RALGAPA1: variants seen among roughly 807,000 people sequenced by gnomAD.
RALGAPA1 encodes Ral GTPase activating protein catalytic subunit alpha 1.
In RALGAPA1, 52 loss-of-function variants were observed where a neutral mutation model predicts 269.6. The ratio of observed to expected loss-of-function variants is 0.19; its 90% CI spans 0.15 to 0.24. The LOEUF (loss-of-function observed/expected upper bound fraction) is 0.24. RALGAPA1 is among the 10% of genes least tolerant of loss of function. RALGAPA1 has a pLI of 1.00. For missense variants in RALGAPA1, 1,917 were observed against 3,013.9 expected (o/e 0.64, Z 8.52); for synonymous variants, 817 against 1,008.3 (o/e 0.81, Z 3.60).
rs1333111471 is a variant in RALGAPA1 at position 35,689,177 on chromosome 14, T to C, written c.3234A>G (p.Thr1078=). 1 of 1,233,236 alleles carries C rather than the reference T, an allele frequency of 8.1e-7. No homozygotes were observed. The allele number at this position is 1,233,236 out of a possible 1,614,324, so 76.4% of individuals were successfully genotyped here. A position where few individuals can be genotyped will look rare whatever the true frequency, so the allele number is the denominator to read the frequency against. ...GCACACTCTTAAGCTTTTCAACTAGTGTTACATCAACACAAGCATCTAATT... is the reference window on the plus strand; with the variant it reads ...GCACACTCTTAAGCTTTTCAACTAGCGTTACATCAACACAAGCATCTAATT... The part of the protein sequence containing the change: ...ATELDACVDV[T]LVEKLKSVQI... Residue 1078 remains threonine (T), a synonymous_variant, in exon 18 of 42, where the codon ACA becomes ACG. Coordinates refer to ENST00000680220, the MANE Select transcript of RALGAPA1 (RefSeq NM_001346249.2).
chr14:35,628,740 T>G (rs961456028), intron 33 of RALGAPA1, among the ~76,000 whole-genome samples: 1 of 152,204 alleles, frequency 6.6e-6, no homozygotes, highest in Admixed American at 6.5e-5. Flanking sequence ...AGCAAAAATA[T>G]TTGCTGGATC....
chr14:35,625,480 A>T, intron 34 of RALGAPA1, 48 bp from the exon 35 acceptor site: 1 of 1,362,646 alleles, frequency 7.3e-7, no homozygotes, highest in Non-Finnish European at 1.0e-6. Flanking sequence ...GCAGTGAATG[A>T]CAAGACAGTC....
chr14:35,668,181 C>A (rs2064106934), intron 26 of RALGAPA1, among the ~76,000 whole-genome samples: 1 of 152,020 alleles, frequency 6.6e-6, no homozygotes, highest in African/African-American at 2.4e-5. Flanking sequence ...AAAAATAATA[C>A]AAATGTATTT....
intron 4 of RALGAPA1, chr14:35,766,528 C>A (rs1327302104): frequency 1.8e-6 from 2 of 1,091,694 alleles, no homozygotes; most frequent in African/African-American, 1.6e-5. Context: ...CTATTGTGCA[C>A]ATCAGAAGCA....
chr14:35,770,456 T>C (rs1423220679), intron 4 of RALGAPA1, among the ~76,000 whole-genome samples: 2 of 151,720 alleles, frequency 1.3e-5, no homozygotes, highest in Admixed American at 6.6e-5. Context: ...CAAAGGCATC[T>C]GATTAAAAAA....
At chr14:35,619,842 T>G (rs1020728194) in intron 35 of RALGAPA1, among the ~76,000 whole-genome samples, 2 of 152,132 alleles carry the variant, frequency 1.3e-5, no homozygotes, top group African/African-American at 2.4e-5. Context: ...GCTCTGAAAT[T>G]AAGGCAATAA....
At chr14:35,592,949 A>G (rs1375373758) in intron 37 of RALGAPA1, among the ~76,000 whole-genome samples, 1 of 152,218 alleles carries the variant, frequency 6.6e-6, no homozygotes, top group Non-Finnish European at 1.5e-5. Flanking sequence ...ATACAGGGAA[A>G]GGATGCCCAC....
chr14:35,746,094 T>C (rs763748108), intron 10 of RALGAPA1, among the ~76,000 whole-genome samples: 32 of 151,958 alleles, frequency 2.1e-4, no homozygotes, highest in Non-Finnish European at 4.1e-4. Flanking sequence ...AAGAGGGAAA[T>C]CCCACATTTG....
intron 16 of RALGAPA1, among the ~76,000 whole-genome samples, chr14:35,701,809 AT>A (rs1260851720): frequency 1.3e-5 from 2 of 150,976 alleles, no homozygotes; most frequent in African/African-American, 4.9e-5. Context: ...TGCTTGGCTA[AT>A]TTTTTTTTCT....
At chr14:35,748,378 CTTT>C (rs35805261) in intron 10 of RALGAPA1, 1,661 of 252,294 alleles carry the variant, frequency 6.6e-3, no homozygotes, top group East Asian at 0.02. Context: ...CTCTCTCGCT[CTTT>C]TTTTTTTTTT....
intron 1 of RALGAPA1, among the ~76,000 whole-genome samples, chr14:35,804,294 G>C (rs1460185641): frequency 1.3e-5 from 2 of 149,092 alleles, no homozygotes; most frequent in African/African-American, 5.0e-5. Context: ...ATAACGGCTG[G>C]GCGCGGTGGC....
At chr14:35,804,072 G>C (rs1211204025) in intron 1 of RALGAPA1, among the ~76,000 whole-genome samples, 1 of 152,056 alleles carries the variant, frequency 6.6e-6, no homozygotes, top group Non-Finnish European at 1.5e-5. Context: ...AGACCAGCCT[G>C]GCCAACATGG....
intron 16 of RALGAPA1, among the ~76,000 whole-genome samples, chr14:35,706,052 G>C (rs1035918424): frequency 6.6e-6 from 1 of 152,176 alleles, no homozygotes; most frequent in South Asian, 2.1e-4. Flanking sequence ...CTTTTATCAG[G>C]CATGTGTTTT....
chr14:35,802,511 A>T (rs1247458831), intron 1 of RALGAPA1, among the ~76,000 whole-genome samples: 1 of 152,168 alleles, frequency 6.6e-6, no homozygotes, highest in Non-Finnish European at 1.5e-5. Flanking sequence ...GAACTACAAA[A>T]CACTGCTGAG....
intron 31 of RALGAPA1, among the ~76,000 whole-genome samples, chr14:35,638,182 C>T (rs2061783907): frequency 6.6e-6 from 1 of 152,046 alleles, no homozygotes; most frequent in Non-Finnish European, 1.5e-5. Context: ...TACTATAACG[C>T]TGTAATTGTG....
intron 41 of RALGAPA1, among the ~76,000 whole-genome samples, chr14:35,543,470 A>C (rs1396409850): frequency 6.6e-6 from 1 of 152,196 alleles, no homozygotes; most frequent in Non-Finnish European, 1.5e-5. Flanking sequence ...TTTAGTTTGA[A>C]GGAAATTTAT....
rs2055406647 is a variant in RALGAPA1, at chr14:35,554,600, C to T, written c.7497-5366G>A. Among the ~76,000 whole-genome samples, 5 of 152,042 alleles carry T rather than the reference C, an allele frequency of 3.3e-5. No homozygotes were observed. In the South Asian group the frequency reaches 1.0e-3, roughly 32 times the overall value. On this transcript the variant is annotated intron_variant, in intron 39 of 41. Transcript: ENST00000680220. ...TGACCTCGTGATCCGCCCGCCTCGGCCTCCCAAAGTGCTGGGATTACAGGC... is the reference window on the plus strand; with the variant it reads ...TGACCTCGTGATCCGCCCGCCTCGGTCTCCCAAAGTGCTGGGATTACAGGC...
intron 1 of RALGAPA1, among the ~76,000 whole-genome samples, chr14:35,806,032 T>C (rs1018897926): frequency 6.6e-6 from 1 of 152,186 alleles, no homozygotes; most frequent in East Asian, 1.9e-4. Flanking sequence ...ATATTTGTTA[T>C]CTTGATTGGA....
chr14:35,574,300 C>G (rs1248082891), intron 37 of RALGAPA1, among the ~76,000 whole-genome samples: 1 of 152,110 alleles, frequency 6.6e-6, no homozygotes, highest in East Asian at 1.9e-4. Context: ...GCCCACTTAT[C>G]TAAAGAAACG....
Sources: allele counts gnomAD v4.1 joint callset (sites outside exome capture counted in the v4.1 genomes callset), GRCh38; gene constraint gnomAD v4.1.1; transcripts MANE v1.5; gene names NCBI Gene and HGNC (gene_info 2026-07-23, HGNC 2026-07-21).